The following NLRP11 variants were observed in gnomAD, a reference collection of about 807,000 sequenced individuals.
NLRP11 encodes the protein NACHT, LRR and PYD domains-containing protein 11.
NLRP11 carries 53 observed loss-of-function variants against 79.3 expected under a neutral mutation model. The ratio of observed to expected loss-of-function variants is 0.67; its 90% CI spans 0.54 to 0.84. NLRP11 has a LOEUF of 0.84. NLRP11 is among the 40% of genes least tolerant of loss of function. The pLI, the probability that NLRP11 is intolerant of heterozygous loss-of-function variation, is 0.00. For missense variants in NLRP11, 1,264 were observed against 1,255.0 expected (o/e 1.01, Z -0.11); for synonymous variants, 518 against 462.6 (o/e 1.12, Z -1.54).
At chr19:55,835,890 G>A (rs1347896203), upstream of NLRP11, among the ~76,000 whole-genome samples, 3 of 152,142 alleles carry the variant, frequency 2.0e-5, no homozygotes, top group Non-Finnish European at 4.4e-5. Flanking sequence ...TCGGGAGGCC[G>A]AGGCGGGCAG....
At chr19:55,822,752 G>A (rs371109978) in intron 1 of NLRP11, among the ~76,000 whole-genome samples, 4,610 of 151,830 alleles carry the variant, frequency 0.03, 186 homozygotes, top group African/African-American at 0.089. Flanking sequence ...CACCTGGCTC[G>A]GAGGGTCCTA....
chr19:55,828,185 A>G (rs1304964486), intron 1 of NLRP11, among the ~76,000 whole-genome samples: 3 of 150,266 alleles, frequency 2.0e-5, no homozygotes, highest in African/African-American at 7.3e-5. Flanking sequence ...CAAACACTGC[A>G]TGTTCTCACT....
intron 2 of NLRP11, 25 bp downstream of exon 2, chr19:55,817,879 C>T: frequency 6.4e-7 from 1 of 1,573,384 alleles, no homozygotes; most frequent in Non-Finnish European, 8.7e-7. Context: ...TGATTTCTGC[C>T]CACCCTTCTC....
chr19:55,811,793 G>T (rs1382925889), intron 2 of NLRP11, among the ~76,000 whole-genome samples: 1 of 152,098 alleles, frequency 6.6e-6, no homozygotes, highest in East Asian at 1.9e-4. Flanking sequence ...GTCTATTTAG[G>T]TGTTTTTCTT....
At chr19:55,820,445 G>C (rs1331595663) in intron 1 of NLRP11, among the ~76,000 whole-genome samples, 1 of 152,046 alleles carries the variant, frequency 6.6e-6, no homozygotes, top group Non-Finnish European at 1.5e-5. Flanking sequence ...CAAATGAGAA[G>C]GTTAACTAGA....
At chr19:55,821,652 T>C (rs1981750658) in intron 1 of NLRP11, among the ~76,000 whole-genome samples, 1 of 150,798 alleles carries the variant, frequency 6.6e-6, no homozygotes, top group Non-Finnish European at 1.5e-5. Context: ...ATTAACATTG[T>C]TAGTGATGGG....
intron 6 of NLRP11, among the ~76,000 whole-genome samples, chr19:55,795,249 A>T (rs1249871202): frequency 6.6e-6 from 1 of 152,168 alleles, no homozygotes; most frequent in Non-Finnish European, 1.5e-5. Context: ...ACAGTCGGTT[A>T]CATACAGGGA....
intron 1 of NLRP11, among the ~76,000 whole-genome samples, chr19:55,819,327 G>A (rs1981461820): frequency 6.6e-6 from 1 of 152,016 alleles, no homozygotes; most frequent in Non-Finnish European, 1.5e-5. Flanking sequence ...CTGTGAAAAT[G>A]CCACCCAAAA....
rs1253773770 is a variant in NLRP11 at position 55,809,202 on chromosome 19, G to C, written c.1408C>G (p.Leu470Val). The change falls in exon 3 of 10, where the codon CTG becomes GTG. Residue 470 changes from leucine (L) to valine (V), a missense_variant. Physicochemically the swap from Leu to Val is conservative, Grantham distance 32. Coordinates refer to ENST00000589093, the Ensembl canonical transcript of NLRP11. This position sits in a 1 kb window ranked among gnomAD's most constrained non-coding sequence, Gnocchi z 4.5. ...TACTCTCTGCTGCCTGAGGGGATCA[G>C]ATAGTTGGGTACTGCCATCAGAAAT... 1 of 1,613,722 alleles carries C rather than the reference G, an allele frequency of 6.2e-7. No individual in the cohort carries two copies. Among genetic ancestry groups the C allele is most frequent in the East Asian group, 2.2e-5 (1 of 44,880 alleles).
At chr19:55,788,606 G>C (rs1172406495) in intron 9 of NLRP11, among the ~76,000 whole-genome samples, 1 of 151,532 alleles carries the variant, frequency 6.6e-6, no homozygotes, top group Non-Finnish European at 1.5e-5. Context: ...CAGGTGTGGT[G>C]GTGGGTGCCT....
intron 1 of NLRP11, among the ~76,000 whole-genome samples, chr19:55,823,797 T>C (rs1982048470): frequency 6.7e-6 from 1 of 148,378 alleles, no homozygotes; most frequent in African/African-American, 2.5e-5. Flanking sequence ...TTGGTGTACC[T>C]GAAAGTGATG....
intron 1 of NLRP11, among the ~76,000 whole-genome samples, chr19:55,821,175 T>A (rs1981659514): frequency 6.6e-6 from 1 of 150,942 alleles, no homozygotes; most frequent in African/African-American, 2.4e-5. Context: ...AGGGAGAGGA[T>A]GCCTATGTGA....
Position 55,817,899 on chromosome 19 carries a change from C to G in NLRP11, c.271+5G>C, listed in dbSNP as rs766702068. Reference sequence around the variant, plus strand: ...TCTGCCCACCCTTCTCGTGACCCCACTCACGGTTTCGTCTGCCAATGATCT... The same window carrying G: ...TCTGCCCACCCTTCTCGTGACCCCAGTCACGGTTTCGTCTGCCAATGATCT... On this transcript the variant is annotated splice_donor_5th_base_variant and intron_variant, in intron 2 of 9. Transcript: ENST00000589093. 1.9e-6 allele frequency: 3 copies of G among 1,598,798 alleles called. No homozygotes were observed. The South Asian group carries it at 3.3e-5, about 18-fold the overall frequency.
At chr19:55,828,687 A>G (rs1982458182) in intron 1 of NLRP11, among the ~76,000 whole-genome samples, 1 of 152,210 alleles carries the variant, frequency 6.6e-6, no homozygotes, top group Non-Finnish European at 1.5e-5. Flanking sequence ...TTCCATCACT[A>G]TACAAACAAA....
chr19:55,797,552 T>A (rs1353751603), intron 5 of NLRP11, among the ~76,000 whole-genome samples: 1 of 152,232 alleles, frequency 6.6e-6, no homozygotes, highest in Non-Finnish European at 1.5e-5. Context: ...GAATGTATCA[T>A]GTGCCTAGTA....
exon 8 of NLRP11, chr19:55,789,233 T>C (rs1990091361): frequency 1.2e-6 from 2 of 1,610,002 alleles, no homozygotes; most frequent in African/African-American, 2.7e-5. Context: ...ACCTACCCAA[T>C]ATTCACCAAC....
chr19:55,812,238 A>G lies in NLRP11; in HGVS notation c.272-1900T>C, dbSNP rs192707867. 1.3e-3 allele frequency among the ~76,000 whole-genome samples: 193 copies of G among 152,354 alleles called. 1 individual carries two copies. The Middle Eastern group carries it at 0.02, about 16-fold the overall frequency. ...TCCCCATATATTAGGTATATAGAGTATAAGAATCAGATGGATGCTCTGTAA... is the reference window on the plus strand; with the variant it reads ...TCCCCATATATTAGGTATATAGAGTGTAAGAATCAGATGGATGCTCTGTAA... On this transcript the variant is annotated intron_variant, in intron 2 of 9. Transcript: ENST00000589093.
chr19:55,833,457 A>T (rs1055903647), upstream of NLRP11, among the ~76,000 whole-genome samples: 1 of 152,116 alleles, frequency 6.6e-6, no homozygotes, highest in African/African-American at 2.4e-5. Flanking sequence ...TTAATTTAAA[A>T]ACTATGGTAA....
chr19:55,836,573 G>C (rs894741530), upstream of NLRP11: 1 of 152,324 alleles, frequency 6.6e-6, no homozygotes, highest in African/African-American at 2.4e-5. Context: ...GTGAGTCAGC[G>C]CTTCGTGCTG....
Sources: gnomAD v4.1 joint callset for allele counts (sites outside exome capture counted in the v4.1 genomes callset) on GRCh38, gnomAD v4.1.1 for gene constraint, Gnocchi (gnomAD v3.1) non-coding constraint, MANE v1.5 for transcripts, NCBI Gene and HGNC (gene_info 2026-07-23, HGNC 2026-07-21) for gene names.